CAMK1D: variants seen among roughly 807,000 people sequenced by gnomAD.
CAMK1D encodes the protein calcium/calmodulin dependent protein kinase ID.
A neutral mutation model predicts 47.7 loss-of-function variants in CAMK1D; 9 were observed. The observed-to-expected ratio is 0.19, with a 90% confidence interval of 0.11 to 0.33. CAMK1D has a LOEUF of 0.33. Among genes scored for constraint, CAMK1D ranks in the 10% least tolerant of loss-of-function variants. The pLI is 1.00. For synonymous variants in CAMK1D, 184 were observed against 184.9 expected (o/e 0.99, Z 0.04); for missense variants, 291 against 488.7 (o/e 0.60, Z 3.81).
In CAMK1D at chr10:12,427,709, T is replaced by TTTTTTTTTTTTTTTTC. The variant is rs1840294081; in HGVS notation, c.92+77814_92+77815insCTTTTTTTTTTTTTTT. 1.9e-5 allele frequency among the ~76,000 whole-genome samples: 2 copies of TTTTTTTTTTTTTTTTC among 106,986 alleles called. 1 individual carries two copies. Among genetic ancestry groups the TTTTTTTTTTTTTTTTC allele is most frequent in the Non-Finnish European group, 3.9e-5 (2 of 51,788 alleles). The allele number at this position is 106,986 out of a possible 152,430, so 70.2% of individuals were successfully genotyped here. On this transcript the variant is annotated intron_variant, in intron 1 of 10. Transcript: ENST00000619168. ...CTTCACTGAACTTACTGTTTTTTTT[T>TTTTTTTTTTTTTTTTC]TTTTTTTTTTTTTTTTGAGACGGAG... is the stretch of plus-strand genomic sequence containing the variant.
intron 1 of CAMK1D, among the ~76,000 whole-genome samples, chr10:12,527,497 G>A (rs1196160424): frequency 6.6e-6 from 1 of 151,828 alleles, no homozygotes; most frequent in Non-Finnish European, 1.5e-5. Context: ...TGGGACTATA[G>A]GCATGCGCCA....
At chr10:12,652,573 G>A (rs1434852587) in intron 2 of CAMK1D, among the ~76,000 whole-genome samples, 1 of 152,032 alleles carries the variant, frequency 6.6e-6, no homozygotes, top group Non-Finnish European at 1.5e-5. Flanking sequence ...GGGCGACAGA[G>A]CGAGACTCCA....
chr10:12,662,104 G>A (rs1438664022), intron 2 of CAMK1D, among the ~76,000 whole-genome samples: 2 of 152,142 alleles, frequency 1.3e-5, no homozygotes, highest in African/African-American at 4.8e-5. Flanking sequence ...GTCTCTGGTG[G>A]AATACCATGG....
chr10:12,352,939 G>T (rs1387936237), intron 1 of CAMK1D, among the ~76,000 whole-genome samples: 1 of 152,042 alleles, frequency 6.6e-6, no homozygotes, highest in East Asian at 2.0e-4. Flanking sequence ...GGGTTTCACC[G>T]TGTTAGCCAG....
chr10:12,551,684 G>T (rs776108195), intron 1 of CAMK1D, among the ~76,000 whole-genome samples: 1 of 151,274 alleles, frequency 6.6e-6, no homozygotes, highest in African/African-American at 2.4e-5. Flanking sequence ...GTTGCAGTGA[G>T]CCGAGATCAC....
chr10:12,827,697 CTCT>C (rs1391581291), intron 10 of CAMK1D, among the ~76,000 whole-genome samples: 2 of 140,274 alleles, frequency 1.4e-5, no homozygotes, highest in East Asian at 2.3e-4. Context: ...TCTCTCCTCT[CTCT>C]TCTTCTCTCT....
At position 12,397,288 on chromosome 10, in the gene CAMK1D, G is replaced by A. The variant is rs150793109; in HGVS notation, c.92+47378G>A. Among the ~76,000 whole-genome samples, 437 of 152,208 alleles carry A rather than the reference G, an allele frequency of 2.9e-3. 2 individuals carry two copies. The highest frequency in any genetic ancestry group is 9.0e-3 in the African/African-American group (375 of 41,524). The stretch of plus-strand genomic sequence containing the variant: ...CTGCAGGTGTTCTGTTCTTTCAAGC[G>A]CCCTAGGATGGCCATGACCTTTGGT... On this transcript the variant is annotated intron_variant, in intron 1 of 10. Coordinates refer to ENST00000619168, the MANE Select transcript of CAMK1D (RefSeq NM_153498.4).
intron 1 of CAMK1D, among the ~76,000 whole-genome samples, chr10:12,354,055 T>G (rs942528091): frequency 6.6e-6 from 1 of 152,130 alleles, no homozygotes; most frequent in Non-Finnish European, 1.5e-5. Context: ...CTGTGAAATG[T>G]ATGTGAATGG....
At chr10:12,708,411 G>A (rs928192292) in intron 3 of CAMK1D, among the ~76,000 whole-genome samples, 2 of 152,152 alleles carry the variant, frequency 1.3e-5, no homozygotes, top group South Asian at 2.1e-4. Context: ...GAAGAGTAAC[G>A]CATATGCTGT....
rs1299377133 is a variant in CAMK1D, at chr10:12,405,629, T to C, written c.92+55719T>C. On this transcript the variant is annotated intron_variant, in intron 1 of 10. Transcript: ENST00000619168. ...AGTGAAACCAGTGAAACGTCATTAA[T>C]CAAGACCCTCATACATTTGGAATGC... 1.3e-5 allele frequency among the ~76,000 whole-genome samples: 2 copies of C among 152,210 alleles called. 1 individual carries two copies. Among genetic ancestry groups the C allele is most frequent in the Non-Finnish European group, 2.9e-5 (2 of 68,040 alleles).
intron 3 of CAMK1D, among the ~76,000 whole-genome samples, chr10:12,748,443 C>T (rs1219118780): frequency 6.6e-6 from 1 of 152,132 alleles, no homozygotes; most frequent in Non-Finnish European, 1.5e-5. Flanking sequence ...GGGGCACTGG[C>T]GTGTGACTCA....
chr10:12,801,326 T>TA (rs56258009), intron 6 of CAMK1D, among the ~76,000 whole-genome samples: 6,405 of 121,180 alleles, frequency 0.053, 173 homozygotes, highest in African/African-American at 0.061. Context: ...TCTATCTATC[T>TA]ATCTATCTAT....
intron 1 of CAMK1D, among the ~76,000 whole-genome samples, chr10:12,509,744 C>CTA (rs1222160416): frequency 2.6e-5 from 4 of 152,212 alleles, no homozygotes; most frequent in Non-Finnish European, 4.4e-5. Flanking sequence ...GAAGGAGACT[C>CTA]TGTTTCAAAA....
At chr10:12,407,535 C>T (rs1034726814) in intron 1 of CAMK1D, among the ~76,000 whole-genome samples, 1 of 152,204 alleles carries the variant, frequency 6.6e-6, no homozygotes, top group Non-Finnish European at 1.5e-5. Context: ...CTCCCTCCTC[C>T]ATTACTTCAT....
At position 12,825,590 on chromosome 10, in the gene CAMK1D, G is replaced by C. The variant is rs376764853; in HGVS notation, c.939G>C (p.Thr313=). 91 of 1,605,198 alleles carry C rather than the reference G, an allele frequency of 5.7e-5. 1 individual carries two copies. Among genetic ancestry groups the C allele is most frequent in the Non-Finnish European group, 7.6e-5 (89 of 1,177,538 alleles). ...KSKWRQAFNA[T]AVVRHMRKLH... ...AATTTCAGCAAGCATTTAATGCCACGGCCGTCGTCAGACATATGAGAAAAC... is the reference window on the plus strand; with the variant it reads ...AATTTCAGCAAGCATTTAATGCCACCGCCGTCGTCAGACATATGAGAAAAC... Residue 313 remains threonine, a synonymous_variant, in exon 10 of 11, where the codon ACG becomes ACC. Coordinates refer to ENST00000619168, the MANE Select transcript of CAMK1D (RefSeq NM_153498.4).
chr10:12,361,267 G>C (rs1008404925), intron 1 of CAMK1D, among the ~76,000 whole-genome samples: 1 of 113,110 alleles, frequency 8.8e-6, no homozygotes, highest in Admixed American at 9.2e-5. Flanking sequence ...TTTTTTTTGA[G>C]ATGGAGTCTT....
At chr10:12,418,453 A>G (rs1839930766) in intron 1 of CAMK1D, among the ~76,000 whole-genome samples, 1 of 152,098 alleles carries the variant, frequency 6.6e-6, no homozygotes, top group Non-Finnish European at 1.5e-5. Flanking sequence ...AAAAAATTTT[A>G]AAGAATTAGC....
rs1834882831 is a variant in CAMK1D, at chr10:12,731,552, AG to A, written c.300-29395del. Among the ~76,000 whole-genome samples the A allele has an allele frequency of 2.6e-5, 4 of 152,248 alleles. No individual in the cohort carries two copies. The South Asian group carries it at 8.3e-4, about 31-fold the overall frequency. ...TGTTCAGCTGCACTGGTGCAGGCAC[AG>A]AGGAGGTAAGAGTTGGGTCTAACCA... On this transcript the variant is annotated intron_variant, in intron 3 of 10. Coordinates refer to ENST00000619168, the MANE Select transcript of CAMK1D (RefSeq NM_153498.4).
intron 2 of CAMK1D, among the ~76,000 whole-genome samples, chr10:12,601,172 GTTT>G (rs61512069): frequency 9.7e-5 from 14 of 144,072 alleles, no homozygotes; most frequent in Admixed American, 6.9e-4. Context: ...TAAAATGATA[GTTT>G]TTTTTTTTTG....
Sources: allele counts gnomAD v4.1 joint callset (sites outside exome capture counted in the v4.1 genomes callset), GRCh38; gene constraint gnomAD v4.1.1; transcripts MANE v1.5; gene names NCBI Gene and HGNC (gene_info 2026-07-23, HGNC 2026-07-21).